The following ECE1 variants were observed in gnomAD, a reference collection of about 807,000 sequenced individuals.
ECE1 encodes endothelin converting enzyme 1.
In ECE1, 35 loss-of-function variants were observed where a neutral mutation model predicts 98.6. That is an observed-to-expected ratio of 0.35 (90% CI 0.27 to 0.47). The LOEUF is 0.47. Ranked by LOEUF, ECE1 falls within the 20% of genes least tolerant of loss-of-function variation. The pLI, the probability that ECE1 is intolerant of heterozygous loss-of-function variation, is 1.00. For missense variants in ECE1, 814 were observed against 1,025.3 expected, an observed-to-expected ratio of 0.79 and a Z score of 2.81; for synonymous variants, 394 against 407.1, an observed-to-expected ratio of 0.97 and a Z score of 0.39.
chr1:21,276,819 G>A (rs1011281235), intron 3 of ECE1, among the ~76,000 whole-genome samples: 6 of 151,952 alleles, frequency 3.9e-5, no homozygotes, highest in East Asian at 1.9e-4. Context: ...TCGAGTAGCC[G>A]GTGTGCACCA....
At chr1:21,339,258 G>A (rs1183268489) in intron 1 of ECE1, among the ~76,000 whole-genome samples, 1 of 152,198 alleles carries the variant, frequency 6.6e-6, no homozygotes, top group Non-Finnish European at 1.5e-5. Flanking sequence ...CAAGTGCGGT[G>A]CAAAGGTGAA....
chr1:21,300,951 T>A (rs1569704978), intron 1 of ECE1, among the ~76,000 whole-genome samples: 1 of 152,354 alleles, frequency 6.6e-6, no homozygotes, highest in South Asian at 2.1e-4. Flanking sequence ...AAGTGTTTGC[T>A]GCTCTTGGGT....
intron 1 of ECE1, among the ~76,000 whole-genome samples, chr1:21,341,414 T>C (rs1639396175): frequency 6.6e-6 from 1 of 152,134 alleles, no homozygotes. Context: ...GCACAAAAAA[T>C]TGTAAACATT....
intron 3 of ECE1, among the ~76,000 whole-genome samples, chr1:21,276,864 G>A (rs2103332907): frequency 6.6e-6 from 1 of 152,102 alleles, no homozygotes; most frequent in South Asian, 2.1e-4. Flanking sequence ...CTACAGTTGT[G>A]CGCCACCATC....
chr1:21,309,907 T>C (rs1054301382), intron 1 of ECE1, among the ~76,000 whole-genome samples: 6 of 151,276 alleles, frequency 4.0e-5, no homozygotes, highest in African/African-American at 1.5e-4. Context: ...TTCTCCTGCC[T>C]CAGCCTCCCG....
chr1:21,316,317 G>A (rs942795026), intron 1 of ECE1, among the ~76,000 whole-genome samples: 1 of 152,158 alleles, frequency 6.6e-6, no homozygotes, highest in African/African-American at 2.4e-5. Context: ...TGCCCAGGCT[G>A]GAGTGCAGTG....
At chr1:21,230,924 G>A (rs561139029) in intron 14 of ECE1, among the ~76,000 whole-genome samples, 3 of 152,198 alleles carry the variant, frequency 2.0e-5, no homozygotes, top group Non-Finnish European at 2.9e-5. Flanking sequence ...TGCTTCCCGG[G>A]TTCAAGCGAT....
chr1:21,312,714 G>C (rs1270671761), intron 1 of ECE1, among the ~76,000 whole-genome samples: 1 of 152,100 alleles, frequency 6.6e-6, no homozygotes, highest in Admixed American at 6.6e-5. Flanking sequence ...GATGCAGCAG[G>C]CTGGAGTGTG....
At position 21,258,400 on chromosome 1, in the gene ECE1, A is replaced by C. The variant is rs1033450910; in HGVS notation, c.762+293T>G. 1.3e-5 allele frequency among the ~76,000 whole-genome samples: 2 copies of C among 152,168 alleles called. No individual in the cohort carries two copies. The highest frequency in any genetic ancestry group is 1.3e-4 in the Admixed American group (2 of 15,268). On this transcript the variant is annotated intron_variant, in intron 6 of 18. Coordinates refer to ENST00000374893, the MANE Select transcript of ECE1 (RefSeq NM_001397.3). This position sits in a 1 kb window ranked among gnomAD's most constrained non-coding sequence, Gnocchi z 4.2. The stretch of plus-strand genomic sequence containing the variant: ...GAGTTACAAAGAGCAGACGCTAAGG[A>C]GGGGGAAACCAGGATGTGGGTTCAG...
At chr1:21,283,345 A>T (rs2098257124) in intron 2 of ECE1, among the ~76,000 whole-genome samples, 1 of 151,048 alleles carries the variant, frequency 6.6e-6, no homozygotes, top group Non-Finnish European at 1.5e-5. Flanking sequence ...GTCTCTGTTC[A>T]CTGCAACCTC....
At chr1:21,254,815 T>TG (rs2098217839) in intron 8 of ECE1, among the ~76,000 whole-genome samples, 1 of 152,156 alleles carries the variant, frequency 6.6e-6, no homozygotes. Flanking sequence ...CTCTGGGAGC[T>TG]GAAGGGCAGC....
intron 8 of ECE1, among the ~76,000 whole-genome samples, chr1:21,253,207 C>T (rs931334880): frequency 9.9e-5 from 15 of 152,076 alleles, no homozygotes; most frequent in African/African-American, 3.1e-4. Flanking sequence ...CCGGCGCACA[C>T]CACCACACCC....
chr1:21,332,551 C>T (rs971831133), intron 1 of ECE1, among the ~76,000 whole-genome samples: 3 of 115,594 alleles, frequency 2.6e-5, no homozygotes, highest in African/African-American at 1.0e-4. Context: ...CCCAGGCAGG[C>T]TGGGCCAGAG....
chr1:21,289,192 C>A (rs553413709), intron 2 of ECE1, among the ~76,000 whole-genome samples: 3 of 152,182 alleles, frequency 2.0e-5, no homozygotes, highest in Non-Finnish European at 4.4e-5. Flanking sequence ...TGGCAGAAGT[C>A]CTCCGAGAAT....
At chr1:21,339,077 C>A (rs1005066828) in intron 1 of ECE1, among the ~76,000 whole-genome samples, 1 of 151,540 alleles carries the variant, frequency 6.6e-6, no homozygotes, top group Non-Finnish European at 1.5e-5. Flanking sequence ...GCCAGGGGAC[C>A]AGGTGGTGCC....
At chr1:21,247,179 G>A (rs1209790994) in intron 9 of ECE1, 42 bp downstream of exon 9, 6 of 1,613,676 alleles carry the variant, frequency 3.7e-6, no homozygotes, top group Admixed American at 1.7e-5. Flanking sequence ...GAAGAGGGCT[G>A]TCTGTGAGAG....
chr1:21,289,953 A>G (rs1178413509), intron 2 of ECE1, 117 bp downstream of exon 2: 1 of 1,049,280 alleles, frequency 9.5e-7, no homozygotes, highest in Middle Eastern at 3.5e-4. Context: ...TGCCGGGACG[A>G]GGGAGGGGAA....
chr1:21,229,071 G>T (rs1289932263), intron 14 of ECE1, among the ~76,000 whole-genome samples: 2 of 151,902 alleles, frequency 1.3e-5, no homozygotes, highest in Non-Finnish European at 2.9e-5. Flanking sequence ...TCGATCTCCT[G>T]ACCTCGTGAT....
At chr1:21,296,112 A>G (rs1307888690) in intron 1 of ECE1, among the ~76,000 whole-genome samples, 1 of 152,096 alleles carries the variant, frequency 6.6e-6, no homozygotes, top group South Asian at 2.1e-4. Context: ...TTCAGCCAAC[A>G]TTTGTTGTTA....
Sources: gnomAD v4.1 joint callset for allele counts (sites outside exome capture counted in the v4.1 genomes callset) on GRCh38, gnomAD v4.1.1 for gene constraint, Gnocchi (gnomAD v3.1) non-coding constraint, MANE v1.5 for transcripts, NCBI Gene and HGNC (gene_info 2026-07-23, HGNC 2026-07-21) for gene names.